The following CCNT2 variants were observed in gnomAD, a reference collection of about 807,000 sequenced individuals.
The protein encoded by CCNT2 is cyclin T2.
Under a neutral mutation model 70.0 loss-of-function variants are expected in CCNT2, and 18 were observed. The observed-to-expected ratio is 0.26, with a 90% CI of 0.18 to 0.38. The LOEUF (loss-of-function observed/expected upper bound fraction) is 0.38. Ranked by LOEUF, CCNT2 falls within the 10% of genes least tolerant of loss-of-function variation. The pLI, the probability that CCNT2 is intolerant of heterozygous loss-of-function variation, is 1.00. For missense variants in CCNT2, 734 were observed against 890.2 expected (o/e 0.82, Z 2.23); for synonymous variants, 334 against 313.3 (o/e 1.07, Z -0.70).
At chr2:134,939,137 G>A in intron 4 of CCNT2, 75 bp downstream of exon 4, 1 of 1,024,374 alleles carries the variant, frequency 9.8e-7, no homozygotes, top group East Asian at 2.4e-5. Context: ...AAAGATTTCT[G>A]AAATAATTGT....
At chr2:134,933,051 A>G (rs1680899782) in intron 2 of CCNT2, among the ~76,000 whole-genome samples, 2 of 152,328 alleles carry the variant, frequency 1.3e-5, no homozygotes, top group Admixed American at 1.3e-4. Context: ...GGGGGTGTTT[A>G]GGGCAATGGG....
At chr2:134,920,034 A>C (rs942004339) in intron 2 of CCNT2, 143 bp downstream of exon 2, 1 of 555,298 alleles carries the variant, frequency 1.8e-6, no homozygotes, top group Non-Finnish European at 3.2e-6. Context: ...TTTGCTTCAG[A>C]TGCGGTGTTT....
intron 5 of CCNT2, chr2:134,944,516 A>G: frequency 2.1e-6 from 2 of 964,614 alleles, no homozygotes; most frequent in Non-Finnish European, 2.5e-6. Flanking sequence ...ACATGAAGTC[A>G]GTTTACTTGA....
intron 2 of CCNT2, among the ~76,000 whole-genome samples, chr2:134,921,064 C>A (rs1419893609): frequency 6.6e-6 from 1 of 152,104 alleles, no homozygotes; most frequent in African/African-American, 2.4e-5. Context: ...TTGTGCATAA[C>A]ATTTAGGTCA....
In CCNT2 at chr2:134,952,674, A is replaced by G; in HGVS notation, c.737A>G (p.Lys246Arg). ...LTHEFLQILE[K>R]TPNRLKKIRN... ...CATGAGTTTCTACAAATATTGGAGA[A>G]AACGCCTAATAGGTTGAAGAAGATT... The change falls in exon 8 of 9, where the codon AAA becomes AGA. Residue 246 changes from lysine (K) to arginine (R), a missense_variant. Lys to Arg is a conservative substitution (Grantham distance 26). Transcript: ENST00000264157. The G allele has an allele frequency of 6.2e-7, 1 of 1,604,066 alleles. No homozygotes were observed.
chr2:134,954,729 T>G lies in CCNT2; in HGVS notation c.*81T>G. The G allele has an allele frequency of 2.4e-6, 2 of 832,124 alleles. No homozygotes were observed. Among genetic ancestry groups the G allele is most frequent in the Non-Finnish European group, 3.9e-6 (2 of 511,148 alleles). 51.5% of individuals were successfully genotyped at this position (832,124 alleles called of 1,614,324 possible). ...GGAAAAATTCCTTCTGATCTAGCAGTGGTAACCCCTGCTGTTGCTGCCACT... is the reference window on the plus strand; with the variant it reads ...GGAAAAATTCCTTCTGATCTAGCAGGGGTAACCCCTGCTGTTGCTGCCACT... On this transcript the variant is annotated 3_prime_UTR_variant, in exon 9 of 9. Transcript: ENST00000264157.
chr2:134,940,227 G>T (rs10198975), intron 4 of CCNT2, among the ~76,000 whole-genome samples: 52,660 of 151,920 alleles, frequency 0.35, 9,914 homozygotes, highest in Middle Eastern at 0.67. Flanking sequence ...ATATGCAGTT[G>T]ACCCTCAAAC....
At chr2:134,938,940 G>A (rs1681361769) in intron 3 of CCNT2, 62 bp from the exon 4 acceptor site, 3 of 1,034,574 alleles carry the variant, frequency 2.9e-6, no homozygotes, top group Non-Finnish European at 4.5e-6. Context: ...AGATGTAACA[G>A]TCATGCAGTC....
At chr2:134,928,857 G>A (rs1337476666) in intron 2 of CCNT2, among the ~76,000 whole-genome samples, 1 of 152,146 alleles carries the variant, frequency 6.6e-6, no homozygotes, top group African/African-American at 2.4e-5. Context: ...GAGGGTTTGG[G>A]GGTAATCTTT....
chr2:134,927,699 G>A (rs1475947202), intron 2 of CCNT2, among the ~76,000 whole-genome samples: 1 of 151,910 alleles, frequency 6.6e-6, no homozygotes, highest in African/African-American at 2.4e-5. Flanking sequence ...AATTGGTTAA[G>A]GTAATTTTTT....
chr2:134,928,645 A>G (rs975646435), intron 2 of CCNT2, among the ~76,000 whole-genome samples: 7 of 152,082 alleles, frequency 4.6e-5, no homozygotes, highest in Non-Finnish European at 1.0e-4. Flanking sequence ...TAGAATTACT[A>G]TTGGCCATTC....
Position 134,921,514 on chromosome 2 carries a change from C to T in CCNT2, c.240+1623C>T, listed in dbSNP as rs894995421. ...GACTACAGGTGTGTGCCACCACTCC[C>T]GGCTAATTTTTGTATTTTTAGTAGA... is the stretch of plus-strand genomic sequence containing the variant. On this transcript the variant is annotated intron_variant, in intron 2 of 8. Transcript: ENST00000264157. Among the ~76,000 whole-genome samples the T allele has an allele frequency of 6.6e-5, 10 of 152,170 alleles. No homozygotes were observed. The East Asian group carries it at 1.5e-3, about 24-fold the overall frequency.
At chr2:134,928,521 G>A (rs1208349981) in intron 2 of CCNT2, among the ~76,000 whole-genome samples, 3 of 150,922 alleles carry the variant, frequency 2.0e-5, no homozygotes, top group East Asian at 2.0e-4. Context: ...CAGGTGATCC[G>A]CCCGCCTCAG....
rs60017121 is a variant in CCNT2 at position 134,952,371 on chromosome 2, T to TGG, written c.704-264_704-263dup. Among the ~76,000 whole-genome samples, 187 of 150,552 alleles carry TGG rather than the reference T, an allele frequency of 1.2e-3. 1 individual carries two copies. The highest frequency in any genetic ancestry group is 1.5e-3 in the Admixed American group (22 of 15,164). On this transcript the variant is annotated intron_variant, in intron 7 of 8. Coordinates refer to ENST00000264157, the MANE Select transcript of CCNT2 (RefSeq NM_058241.3). ...TGCCTAATGAAGATTTTTTTTTTATTGGGGGGGTGATTATTTTTAATGCTA... is the reference window on the plus strand; with the variant it reads ...TGCCTAATGAAGATTTTTTTTTTATTGGGGGGGGGTGATTATTTTTAATGCTA...
At chr2:134,944,228 G>C in intron 5 of CCNT2, 2 of 981,876 alleles carry the variant, frequency 2.0e-6, no homozygotes, top group Non-Finnish European at 2.4e-6. Flanking sequence ...TGTAGTTGTT[G>C]AATTAAGGAA....
Position 134,953,878 on chromosome 2 carries a change from A to C in CCNT2, c.1423A>C (p.Ser475Arg), listed in dbSNP as rs1429041612. 6.2e-7 allele frequency: 1 copy of C among 1,614,122 alleles called. No homozygotes were observed. The highest frequency in any genetic ancestry group is 1.3e-5 in the African/African-American group (1 of 75,040). ...ACAAGGGCAGTCACAGGCAGCCAGC[A>C]GCAGTTCTGTTACTTCTCCCATTAA... ...HKQGQSQAAS[S>R]SSVTSPIKMK... Residue 475 changes from serine (S) to arginine (R), a missense_variant, in exon 9 of 9, where the codon AGC becomes CGC. By Grantham distance (110) the Ser-to-Arg change is moderately radical (BLOSUM62 -1). Around this residue, in one of 3 missense-constraint regions of CCNT2, gnomAD observed 532 missense variants for 556.9 expected, o/e 0.96. Transcript: ENST00000264157.
Position 134,955,189 on chromosome 2 carries a change from TATAACAATATACAGA to T in CCNT2, c.*547_*561del, listed in dbSNP as rs1216769348. 1.3e-5 allele frequency: 2 copies of T among 154,656 alleles called. No individual in the cohort carries two copies. The highest frequency in any genetic ancestry group is 4.8e-5 in the African/African-American group (2 of 41,470). 9.6% of individuals were successfully genotyped at this position (154,656 alleles called of 1,614,324 possible). A position where few individuals can be genotyped will look rare whatever the true frequency, so the allele number is the denominator to read the frequency against. ...ACTCAGGATTGGAGCTGCTTGTAAG[TATAACAATATACAGA>T]ATAACTTTATTTTATCTTGTCAGAG... On this transcript the variant is annotated 3_prime_UTR_variant, in exon 9 of 9. Transcript: ENST00000264157.
intron 2 of CCNT2, among the ~76,000 whole-genome samples, chr2:134,929,455 A>C (rs1047422624): frequency 1.3e-4 from 19 of 151,614 alleles, no homozygotes; most frequent in Non-Finnish European, 2.1e-4. Flanking sequence ...AATTTAAAAA[A>C]AAATTAGCCC....
intron 4 of CCNT2, among the ~76,000 whole-genome samples, chr2:134,941,835 GC>G (rs1363529494): frequency 5.3e-5 from 8 of 152,150 alleles, no homozygotes; most frequent in African/African-American, 1.9e-4. Context: ...TAGAAGATAT[GC>G]CTCTATGGCT....
Sources: allele counts gnomAD v4.1 joint callset (sites outside exome capture counted in the v4.1 genomes callset), GRCh38; gene constraint gnomAD v4.1.1; regional missense constraint gnomAD v4.1.1; transcripts MANE v1.5; gene names NCBI Gene and HGNC (gene_info 2026-07-23, HGNC 2026-07-21).